NLGN3: variants seen among roughly 807,000 people sequenced by gnomAD.
NLGN3 encodes the protein neuroligin 3.
Under a neutral mutation model 42.9 loss-of-function variants are expected in NLGN3, and 11 were observed. The ratio of observed to expected loss-of-function variants is 0.26; its 90% CI spans 0.16 to 0.42. The LOEUF is 0.42. Ranked by LOEUF, NLGN3 falls within the 10% of genes least tolerant of loss-of-function variation. The probability of loss-of-function intolerance (pLI) is 1.00; values close to 1 mark genes in which losing one functional copy is unlikely to be tolerated. For synonymous variants in NLGN3, 279 were observed against 312.7 expected (o/e 0.89, Z 1.14); for missense variants, 374 against 733.8 (o/e 0.51, Z 5.67).
At chrX:71,163,268 A>C (rs1306628130) in intron 5 of NLGN3, among the ~76,000 whole-genome samples, 2 of 111,803 alleles carry the variant, frequency 1.8e-5, no homozygotes, top group Admixed American at 1.9e-4. Context: ...CTACTTCCCC[A>C]TTTCTCCACC....
At chrX:71,146,557 A>C (rs1026857951) in intron 1 of NLGN3, among the ~76,000 whole-genome samples, 2 of 111,361 alleles carry the variant, frequency 1.8e-5, no homozygotes, top group Non-Finnish European at 3.8e-5. Context: ...GGTATGTGTG[A>C]TTATATTTCA....
chrX:71,158,770 G>A (rs1035212410), intron 5 of NLGN3, among the ~76,000 whole-genome samples: 1 of 111,578 alleles, frequency 9.0e-6, no homozygotes, highest in African/African-American at 3.3e-5. Context: ...TTTCACGTAG[G>A]ATGTGAAGTC....
At chrX:71,150,464 G>A (rs1395354899) in intron 3 of NLGN3, among the ~76,000 whole-genome samples, 3 of 111,712 alleles carry the variant, frequency 2.7e-5, no homozygotes, top group East Asian at 5.6e-4. Flanking sequence ...CACTTTGGGA[G>A]GCCGAGGCAG....
intron 7 of NLGN3, among the ~76,000 whole-genome samples, chrX:71,168,361 CAT>C (rs1491537399): frequency 5.5e-5 from 6 of 110,015 alleles, no homozygotes; most frequent in African/African-American, 1.7e-4. Context: ...CACACACACA[CAT>C]ATACACACAC....
At chrX:71,157,324 TA>T (rs1240877153) in intron 5 of NLGN3, among the ~76,000 whole-genome samples, 1 of 105,765 alleles carries the variant, frequency 9.5e-6, no homozygotes, top group African/African-American at 3.5e-5. Context: ...ATTTATTTAT[TA>T]TTTTTATTTT....
chrX:71,150,620 T>C (rs1406680691), intron 3 of NLGN3, among the ~76,000 whole-genome samples: 1 of 102,732 alleles, frequency 9.7e-6, no homozygotes, highest in Non-Finnish European at 1.9e-5. Context: ...GAGAATGGCA[T>C]GAACCCAGGA....
intron 1 of NLGN3, among the ~76,000 whole-genome samples, 159 bp downstream of exon 1, chrX:71,145,123 C>T (rs1378987529): frequency 1.9e-5 from 2 of 106,355 alleles, no homozygotes; most frequent in Non-Finnish European, 3.9e-5. Flanking sequence ...GATCCTCCCC[C>T]GCTTCTGTTC....
chrX:71,167,516 A>G lies in NLGN3; in HGVS notation c.1419A>G (p.Thr473=). The change falls in exon 7 of 8, where the codon ACA becomes ACG. Residue 473 remains threonine (T), a synonymous_variant. Coordinates refer to ENST00000358741, the MANE Select transcript of NLGN3 (RefSeq NM_181303.2). ...DRDNPETRRK[T]LVALFTDHQW... ...ACAACCCTGAGACCCGCCGTAAAACACTGGTGGCACTCTTCACTGACCACC... is the reference window on the plus strand; with the variant it reads ...ACAACCCTGAGACCCGCCGTAAAACGCTGGTGGCACTCTTCACTGACCACC... The G allele has an allele frequency of 1.7e-6, 2 of 1,211,321 alleles. No individual in the cohort carries two copies. The highest frequency in any genetic ancestry group is 1.1e-6 in the Non-Finnish European group (1 of 895,353).
intron 3 of NLGN3, among the ~76,000 whole-genome samples, chrX:71,152,252 C>T (rs1358974740): frequency 9.0e-6 from 1 of 111,069 alleles, no homozygotes; most frequent in Non-Finnish European, 1.9e-5. Context: ...GCACTTCTAG[C>T]CTCCTTAGAA....
At chrX:71,145,718 G>A (rs2092363901) in intron 1 of NLGN3, among the ~76,000 whole-genome samples, 1 of 106,350 alleles carries the variant, frequency 9.4e-6, no homozygotes, top group Admixed American at 1.0e-4. Flanking sequence ...GGAGAATTTG[G>A]CATTTGGCGC....
downstream of NLGN3, among the ~76,000 whole-genome samples, chrX:71,171,355 G>A (rs1417291455): frequency 1.9e-5 from 2 of 104,358 alleles, no homozygotes; most frequent in Non-Finnish European, 3.9e-5. Flanking sequence ...TGGGGGTTGG[G>A]GGTTGGGGGT....
At chrX:71,159,502 C>T (rs2092421974) in intron 5 of NLGN3, among the ~76,000 whole-genome samples, 1 of 111,387 alleles carries the variant, frequency 9.0e-6, no homozygotes, top group African/African-American at 3.3e-5. Context: ...TGGGCTTAAG[C>T]AGTTGATGAT....
chrX:71,150,718 A>G (rs7053363), intron 3 of NLGN3, among the ~76,000 whole-genome samples: 48,739 of 102,627 alleles, frequency 0.47, 9,119 homozygotes, highest in Middle Eastern at 0.59. Context: ...AAAAAAAAAA[A>G]AAAAGAAAGA....
At chrX:71,174,251 G>A (rs186805209), downstream of NLGN3, among the ~76,000 whole-genome samples, 1 of 111,848 alleles carries the variant, frequency 8.9e-6, no homozygotes, top group East Asian at 2.8e-4. Context: ...GCTGCCTTGA[G>A]TAACTGCATC....
chrX:71,153,608 C>T, intron 4 of NLGN3, 72 bp downstream of exon 4: 2 of 925,865 alleles, frequency 2.2e-6, no homozygotes, highest in Non-Finnish European at 3.1e-6. Context: ...TGGGGAGAAG[C>T]CCCGTCTGTC....
chrX:71,168,843 AAGAAAG>A (rs1293155705), intron 7 of NLGN3, among the ~76,000 whole-genome samples: 8 of 89,329 alleles, frequency 9.0e-5, no homozygotes, highest in African/African-American at 4.8e-4. Flanking sequence ...GAAAGAAAGA[AAGAAAG>A]AAAGAAAGAA....
intron 7 of NLGN3, among the ~76,000 whole-genome samples, chrX:71,168,855 AAGAAAGAAAGAAAG>A (rs1329458158): frequency 2.2e-5 from 2 of 90,695 alleles, no homozygotes; most frequent in Non-Finnish European, 4.0e-5. Context: ...GAAAGAAAGA[AAGAAAGAAAGAAAG>A]AGAAAGAAAA....
chrX:71,158,164 A>C (rs1354449493), intron 5 of NLGN3, among the ~76,000 whole-genome samples: 1 of 109,449 alleles, frequency 9.1e-6, no homozygotes, highest in Non-Finnish European at 1.9e-5. Flanking sequence ...CGCAGCCTCG[A>C]CCTCCCAGGC....
At chrX:71,156,954 G>A (rs1461960485) in intron 5 of NLGN3, among the ~76,000 whole-genome samples, 5 of 111,395 alleles carry the variant, frequency 4.5e-5, no homozygotes, top group Non-Finnish European at 9.4e-5. Flanking sequence ...AAGGTCTTGA[G>A]GTAAACGAGT....
Sources: allele counts gnomAD v4.1 joint callset (sites outside exome capture counted in the v4.1 genomes callset), GRCh38; gene constraint gnomAD v4.1.1; transcripts MANE v1.5; gene names NCBI Gene and HGNC (gene_info 2026-07-23, HGNC 2026-07-21).